Variants in PSG3 observed in about 807,000 individuals in gnomAD.
PSG3 encodes pregnancy-specific beta-1-glycoprotein 3.
PSG3 carries 61 observed loss-of-function variants against 47.5 expected under a neutral mutation model. That is an observed-to-expected ratio of 1.28 (90% confidence interval 1.05 to 1.59). PSG3 has a LOEUF of 1.59. PSG3 is among the 40% of genes most tolerant of loss of function. The pLI, the probability that PSG3 is intolerant of heterozygous loss-of-function variation, is 0.00. For missense variants in PSG3, 756 were observed against 524.0 expected (o/e 1.44, Z -4.32); for synonymous variants, 263 against 198.4 (o/e 1.33, Z -2.74).
At chr19:42,734,637 G>A (rs1314671956) in intron 2 of PSG3, among the ~76,000 whole-genome samples, 4 of 152,208 alleles carry the variant, frequency 2.6e-5, no homozygotes, top group African/African-American at 9.7e-5. Context: ...GTTTAGGTGT[G>A]CCGTGAATTC....
At chr19:42,724,805 C>T (rs1428195667) in intron 5 of PSG3, among the ~76,000 whole-genome samples, 1 of 151,878 alleles carries the variant, frequency 6.6e-6, no homozygotes, top group South Asian at 2.1e-4. Flanking sequence ...TTGCACTTAG[C>T]TTTTTTTCTT....
At chr19:42,724,075 A>G (rs763906328) in intron 5 of PSG3, 50 bp from the exon 6 acceptor site, 1 of 1,562,302 alleles carries the variant, frequency 6.4e-7, no homozygotes, top group Non-Finnish European at 8.8e-7. Context: ...GTTATTTTAC[A>G]TGGGGGAGCC....
chr19:42,730,040 G>A lies in PSG3; in HGVS notation c.726C>T (p.Pro242=), dbSNP rs1223278996. Reference sequence around the variant, plus strand: ...GGTTTAAGTTGTTGATGGTGATGTAGGGCTTGGGCAGCTTCGCTGTGTGGA... The same window carrying A: ...GGTTTAAGTTGTTGATGGTGATGTAAGGCTTGGGCAGCTTCGCTGTGTGGA... The part of the protein sequence containing the change: ...TLNLLPKLPK[P]YITINNLNPR... The change falls in exon 4 of 7, where the codon CCC becomes CCT. Residue 242 remains proline (P), a synonymous_variant. Transcript: ENST00000327495. 5 of 1,612,470 alleles carry A rather than the reference G, an allele frequency of 3.1e-6. No homozygotes were observed. The African/African-American group carries it at 5.3e-5, about 17-fold the overall frequency.
At chr19:42,732,465 C>T (rs112501076) in intron 3 of PSG3, 7,624 of 540,670 alleles carry the variant, frequency 0.014, 86 homozygotes, top group African/African-American at 0.029. Context: ...CACAGTGACC[C>T]TGTGAGCCAA....
chr19:42,737,904 A>T (rs1331075982), intron 2 of PSG3, among the ~76,000 whole-genome samples: 1 of 152,188 alleles, frequency 6.6e-6, no homozygotes, highest in Non-Finnish European at 1.5e-5. Context: ...CAGTCACGTG[A>T]CCTAATTCTT....
Position 42,740,419 on chromosome 19 carries a change from C to T in PSG3, c.-35G>A, listed in dbSNP as rs368867088. 15 of 1,612,812 alleles carry T rather than the reference C, an allele frequency of 9.3e-6. No individual in the cohort carries two copies. The Admixed American group carries it at 1.2e-4, about 13-fold the overall frequency. ...TGCCTGCGTGTTCTCCTCTGTGGAG[C>T]TGAGCCTAGGATCCAGAAACTTCCT... On this transcript the variant is annotated 5_prime_UTR_variant, in exon 1 of 7. Coordinates refer to ENST00000327495, the MANE Select transcript of PSG3 (RefSeq NM_021016.4).
At chr19:42,735,824 G>A (rs1460061477) in intron 2 of PSG3, among the ~76,000 whole-genome samples, 1 of 152,234 alleles carries the variant, frequency 6.6e-6, no homozygotes, top group East Asian at 1.9e-4. Context: ...GGTTGAGGAT[G>A]GAGTCACAAG....
rs1339115914 is a variant in PSG3 at position 42,732,774 on chromosome 19, A to C, written c.709+10T>G. ...GCAGACTGGCTCACAGAGGAACAGG[A>C]GATACTCACGGAGGAGATTCAGGGT... On this transcript the variant is annotated intron_variant, in intron 3 of 6. Coordinates refer to ENST00000327495, the MANE Select transcript of PSG3 (RefSeq NM_021016.4). 6.2e-7 allele frequency: 1 copy of C among 1,614,166 alleles called. No individual in the cohort carries two copies. The highest frequency in any genetic ancestry group is 2.2e-5 in the East Asian group (1 of 44,892).
rs35428189 is a variant in PSG3, at chr19:42,721,777, GA to G, written c.*353del. ...AAAGTATACTTTACCAATTGCTGAA[GA>G]AAAAAAGTGCATAAATCTGGAGAAT... is the stretch of plus-strand genomic sequence containing the variant. On this transcript the variant is annotated 3_prime_UTR_variant, in exon 7 of 7. Transcript: ENST00000327495. 58 of 405,618 alleles carry G rather than the reference GA, an allele frequency of 1.4e-4. No individual in the cohort carries two copies. Among genetic ancestry groups the G allele is most frequent in the East Asian group, 4.7e-4 (13 of 27,770 alleles). The allele number at this position is 405,618 out of a possible 1,614,324, so 25.1% of individuals were successfully genotyped here.
At chr19:42,729,746 T>A in intron 4 of PSG3, 32 bp downstream of exon 4, 1 of 1,588,376 alleles carries the variant, frequency 6.3e-7, no homozygotes, top group Non-Finnish European at 8.6e-7. Context: ...TAAGCTGGTG[T>A]CCTGGCCCAC....
At chr19:42,739,720 A>C (rs1218264361) in intron 1 of PSG3, among the ~76,000 whole-genome samples, 4 of 152,130 alleles carry the variant, frequency 2.6e-5, no homozygotes, top group Non-Finnish European at 5.9e-5. Flanking sequence ...ACAGTGTTTC[A>C]TGCCCTGCTT....
chr19:42,727,386 A>G (rs1969394587), intron 5 of PSG3, among the ~76,000 whole-genome samples: 1 of 152,230 alleles, frequency 6.6e-6, no homozygotes, highest in Non-Finnish European at 1.5e-5. Flanking sequence ...TTTCCAGAAT[A>G]CATGAAAAGC....
intron 5 of PSG3, among the ~76,000 whole-genome samples, chr19:42,724,440 A>T (rs1190683752): frequency 1.3e-5 from 2 of 152,170 alleles, no homozygotes; most frequent in Non-Finnish European, 2.9e-5. Context: ...AGGTCAGTGC[A>T]TTTCAAATTC....
chr19:42,734,725 C>G (rs1004774269), intron 2 of PSG3, among the ~76,000 whole-genome samples: 1 of 152,070 alleles, frequency 6.6e-6, no homozygotes, highest in Non-Finnish European at 1.5e-5. Context: ...GAGAGAGTCC[C>G]GTTAAAAGGA....
At chr19:42,722,813 TAGTTTTA>T (rs1201621873) in intron 6 of PSG3, among the ~76,000 whole-genome samples, 1 of 152,208 alleles carries the variant, frequency 6.6e-6, no homozygotes, top group Non-Finnish European at 1.5e-5. Flanking sequence ...ATCATTGATT[TAGTTTTA>T]AGTTCTACCT....
intron 1 of PSG3, chr19:42,739,290 A>G (rs560054855): frequency 3.0e-4 from 283 of 948,234 alleles, no homozygotes; most frequent in Admixed American, 6.4e-4. Context: ...AAGGTCAGCA[A>G]CATGACCCCC....
At chr19:42,734,941 T>A (rs781102755) in intron 2 of PSG3, among the ~76,000 whole-genome samples, 1 of 152,240 alleles carries the variant, frequency 6.6e-6, no homozygotes, top group Non-Finnish European at 1.5e-5. Context: ...GTGTTTAAGT[T>A]TGTGTGAATT....
At position 42,738,745 on chromosome 19, in the gene PSG3, G is replaced by T. The variant is rs777965063; in HGVS notation, c.409C>A (p.His137Asn). The T allele has an allele frequency of 5.6e-6, 9 of 1,613,896 alleles. No individual in the cohort carries two copies. Among genetic ancestry groups the T allele is most frequent in the Non-Finnish European group, 7.6e-6 (9 of 1,179,852 alleles). Residue 137 changes from histidine to asparagine, a missense_variant, in exon 2 of 7, where the codon CAT (histidine) becomes AAT (asparagine). Coordinates refer to ENST00000327495, the MANE Select transcript of PSG3 (RefSeq NM_021016.4). ...RGDGTRGETGHFTFTLYLETP... is the reference protein window; with the variant it reads ...RGDGTRGETGNFTFTLYLETP... ...TCACGGTATAAGGTGAAGGTGAAAT[G>T]TCCAGTTTCTCCTCTAGTCCCATCA...
chr19:42,728,585 G>C (rs550089786), intron 5 of PSG3, among the ~76,000 whole-genome samples: 156 of 152,332 alleles, frequency 1.0e-3, no homozygotes, highest in African/African-American at 3.6e-3. Context: ...TTTCTCCACA[G>C]ATGCTGGTCC....
Sources: allele counts gnomAD v4.1 joint callset (sites outside exome capture counted in the v4.1 genomes callset), GRCh38; gene constraint gnomAD v4.1.1; transcripts MANE v1.5; gene names NCBI Gene and HGNC (gene_info 2026-07-23, HGNC 2026-07-21).